ACTR6: variants seen among roughly 807,000 people sequenced by gnomAD.
The protein encoded by ACTR6 is actin-related protein 6.
ACTR6 carries 50 observed loss-of-function variants against 52.5 expected under a neutral mutation model. The ratio of observed to expected loss-of-function variants is 0.95; its 90% CI spans 0.76 to 1.20. The LOEUF (loss-of-function observed/expected upper bound fraction) is 1.20. ACTR6 is among the 50% of genes most tolerant of loss of function. The probability of loss-of-function intolerance (pLI) is 0.00; values close to 1 mark genes in which losing one functional copy is unlikely to be tolerated. For missense variants in ACTR6, 344 were observed against 472.4 expected (o/e 0.73, Z 2.52); for synonymous variants, 135 against 147.2 (o/e 0.92, Z 0.60).
At chr12:100,208,746 T>C (rs894947433) in intron 4 of ACTR6, 1 of 455,930 alleles carries the variant, frequency 2.2e-6, no homozygotes, top group African/African-American at 2.0e-5. Context: ...TTATTATTGT[T>C]TGTTTGTTTG....
intron 6 of ACTR6, 41 bp from the exon 7 acceptor site, chr12:100,212,215 A>T (rs1193596807): frequency 7.4e-7 from 1 of 1,347,610 alleles, no homozygotes; most frequent in Non-Finnish European, 1.0e-6. Flanking sequence ...AATTATGTTT[A>T]ATTGTTTTGC....
At chr12:100,210,434 T>C in intron 6 of ACTR6, 83 bp downstream of exon 6, 2 of 1,434,670 alleles carry the variant, frequency 1.4e-6, no homozygotes, top group South Asian at 1.2e-5. Flanking sequence ...TCCTTACTTT[T>C]AAGGCCAGTC....
At chr12:100,222,358 G>C (rs1216434476) in intron 10 of ACTR6, among the ~76,000 whole-genome samples, 1 of 150,804 alleles carries the variant, frequency 6.6e-6, no homozygotes, top group South Asian at 2.1e-4. Flanking sequence ...CTGGACTCAG[G>C]TGATCCTTTC....
intron 10 of ACTR6, among the ~76,000 whole-genome samples, chr12:100,221,242 C>T (rs916603658): frequency 4.6e-5 from 7 of 152,214 alleles, no homozygotes; most frequent in South Asian, 2.1e-4. Context: ...GTGTTAGTGG[C>T]AGAGTTGCAA....
Position 100,218,435 on chromosome 12 carries a change from G to A in ACTR6, c.771G>A (p.Leu257=). Residue 257 remains leucine (L), a synonymous_variant, in exon 9 of 11, where the codon TTG becomes TTA. Transcript: ENST00000188312. This position sits in a 1 kb window ranked among gnomAD's most constrained non-coding sequence, Gnocchi z 4.2. Reference sequence around the variant, plus strand: ...TTAAGCCAAGGGAAGAGATGGTGTTGAGTGGAAAATACAAATCTGGGGAAC... The same window carrying A: ...TTAAGCCAAGGGAAGAGATGGTGTTAAGTGGAAAATACAAATCTGGGGAAC... ...GFCKPREEMV[L]SGKYKSGEQI... 7 of 1,610,176 alleles carry A rather than the reference G, an allele frequency of 4.3e-6. No individual in the cohort carries two copies. Among genetic ancestry groups the A allele is most frequent in the East Asian group, 2.2e-5 (1 of 44,530 alleles).
At chr12:100,208,075 C>T (rs1349916653) in intron 4 of ACTR6, 8 of 269,264 alleles carry the variant, frequency 3.0e-5, no homozygotes, top group East Asian at 1.0e-4. Flanking sequence ...GCAGAAGGAT[C>T]GTTTGAGCCT....
rs905245972 is a variant in ACTR6, at chr12:100,224,128, A to C, written c.*213A>C. The stretch of plus-strand genomic sequence containing the variant: ...ATTTTCATTTAGGAGCTAGACTACC[A>C]TAACAATGCTTATGCTGTTTCCAAG... On this transcript the variant is annotated 3_prime_UTR_variant, in exon 11 of 11. Transcript: ENST00000188312. 5.0e-6 allele frequency: 2 copies of C among 403,002 alleles called. No individual in the cohort carries two copies. Among genetic ancestry groups the C allele is most frequent in the Non-Finnish European group, 8.6e-6 (2 of 232,266 alleles). 25.0% of individuals were successfully genotyped at this position (403,002 alleles called of 1,614,324 possible).
At chr12:100,213,006 C>CAAAAAA (rs60253803) in intron 8 of ACTR6, among the ~76,000 whole-genome samples, 2 of 66,720 alleles carry the variant, frequency 3.0e-5, no homozygotes, top group African/African-American at 4.8e-5. Flanking sequence ...GACTCTGTCT[C>CAAAAAA]AAAAAAAAAA....
At chr12:100,221,013 C>CAAAAAA (rs371896409) in intron 10 of ACTR6, among the ~76,000 whole-genome samples, 1 of 100,764 alleles carries the variant, frequency 9.9e-6, no homozygotes. Flanking sequence ...ACCCCCCTGG[C>CAAAAAA]AAAAAAAAAA....
chr12:100,204,148 G>A (rs1448343445), intron 1 of ACTR6: 1 of 152,130 alleles, frequency 6.6e-6, no homozygotes, highest in Non-Finnish European at 1.5e-5. Flanking sequence ...AAAAAAAATG[G>A]GGGAGGGGCA....
chr12:100,205,947 C>T (rs2096114206), intron 3 of ACTR6, among the ~76,000 whole-genome samples: 1 of 152,120 alleles, frequency 6.6e-6, no homozygotes, highest in Non-Finnish European at 1.5e-5. Flanking sequence ...AATTTTACTT[C>T]AGATTTCTAT....
chr12:100,203,538 C>G (rs1265530959), intron 1 of ACTR6: 1 of 151,982 alleles, frequency 6.6e-6, no homozygotes, highest in Non-Finnish European at 1.5e-5. Context: ...CTCCTGACCT[C>G]ATGATCCGCC....
At chr12:100,216,640 T>G (rs1419306980) in intron 8 of ACTR6, among the ~76,000 whole-genome samples, 1 of 152,226 alleles carries the variant, frequency 6.6e-6, no homozygotes, top group Non-Finnish European at 1.5e-5. Flanking sequence ...AATTCCTAAG[T>G]CTGCAACTAT....
rs1366200847 is a variant in ACTR6, at chr12:100,218,956, ATTCT to A, written c.922+375_922+378del. 3.9e-5 allele frequency among the ~76,000 whole-genome samples: 6 copies of A among 152,172 alleles called. No individual in the cohort carries two copies. In the East Asian group the frequency reaches 1.2e-3, roughly 29 times the overall value. On this transcript the variant is annotated intron_variant, in intron 9 of 10. Coordinates refer to ENST00000188312, the MANE Select transcript of ACTR6 (RefSeq NM_022496.5). This position sits in a 1 kb window ranked among gnomAD's most constrained non-coding sequence, Gnocchi z 4.2. ...TTTTCAGCTATTGGTAGACTGACTT[ATTCT>A]TTCTGCTATATTTAGAGTAACATAC...
intron 10 of ACTR6, among the ~76,000 whole-genome samples, chr12:100,220,749 C>T (rs1172700622): frequency 2.0e-5 from 3 of 152,106 alleles, no homozygotes; most frequent in African/African-American, 7.2e-5. Context: ...AATCCCAGCA[C>T]TTTGGGAGGC....
intron 10 of ACTR6, among the ~76,000 whole-genome samples, chr12:100,223,494 T>G (rs962923622): frequency 1.3e-5 from 2 of 152,234 alleles, no homozygotes; most frequent in African/African-American, 4.8e-5. Flanking sequence ...ATATCCTTGT[T>G]TTTTCTTTAG....
intron 10 of ACTR6, among the ~76,000 whole-genome samples, chr12:100,220,539 TAA>T (rs564055642): frequency 8.9e-4 from 136 of 152,368 alleles, no homozygotes; most frequent in African/African-American, 2.9e-3. Flanking sequence ...ACCATTGTGA[TAA>T]GTTTTATCAA....
At position 100,204,980 on chromosome 12, in the gene ACTR6, C is replaced by T; in HGVS notation, c.109C>T (p.Leu37Phe). Residue 37 changes from leucine to phenylalanine, a missense_variant, in exon 2 of 11, where the codon CTT becomes TTT. Physicochemically the swap from Leu to Phe is conservative, Grantham distance 22 (BLOSUM62 0). Transcript: ENST00000188312. The stretch of plus-strand genomic sequence containing the variant: ...TCAGTTCCGGTCAAAAACAGCACGT[C>T]TTAAAACTTTTACTGCCAACCAGAT... ...NCQFRSKTARLKTFTANQIDE... is the reference protein window; with the variant it reads ...NCQFRSKTARFKTFTANQIDE... 6.2e-7 allele frequency: 1 copy of T among 1,612,822 alleles called. No homozygotes were observed. Among genetic ancestry groups the T allele is most frequent in the East Asian group, 2.2e-5 (1 of 44,830 alleles).
chr12:100,202,774 G>A (rs1010762343), intron 1 of ACTR6, among the ~76,000 whole-genome samples: 7 of 151,850 alleles, frequency 4.6e-5, no homozygotes, highest in Admixed American at 4.6e-4. Flanking sequence ...GGAGAATGGC[G>A]TGGGCCTGGG....
Sources: allele counts gnomAD v4.1 joint callset (sites outside exome capture counted in the v4.1 genomes callset), GRCh38; gene constraint gnomAD v4.1.1; non-coding constraint Gnocchi (gnomAD v3.1); transcripts MANE v1.5; gene names NCBI Gene and HGNC (gene_info 2026-07-23, HGNC 2026-07-21).